KCNQ2: variants seen among roughly 807,000 people sequenced by gnomAD.
KCNQ2 encodes potassium voltage-gated channel subfamily Q member 2.
A neutral mutation model predicts 84.8 loss-of-function variants in KCNQ2; 14 were observed. The observed-to-expected ratio is 0.17, with a 90% CI of 0.11 to 0.26. The LOEUF (loss-of-function observed/expected upper bound fraction) is 0.26. Ranked by LOEUF, KCNQ2 falls within the 10% of genes least tolerant of loss-of-function variation. The pLI is 1.00. For synonymous variants in KCNQ2, 599 were observed against 554.1 expected (o/e 1.08, Z -1.14); for missense variants, 788 against 1,254.0 (o/e 0.63, Z 5.61).
rs147787428 is a variant in KCNQ2 at position 63,453,210 on chromosome 20, G to A, written c.297-6373C>T. The stretch of plus-strand genomic sequence containing the variant: ...CCTCCGCCCGCCGCCACAGGCCCAC[G>A]GCTTCCAGCTCGAAGGCACTGGCCC... On this transcript the variant is annotated intron_variant, in intron 1 of 16. Coordinates refer to ENST00000359125, the MANE Select transcript of KCNQ2 (RefSeq NM_172107.4). Among the ~76,000 whole-genome samples, 1,339 of 152,316 alleles carry A rather than the reference G, an allele frequency of 8.8e-3. 17 individuals carry two copies. The highest frequency in any genetic ancestry group is 0.03 in the African/African-American group (1,243 of 41,566).
chr20:63,409,623 A>G (rs1347277633), intron 15 of KCNQ2, among the ~76,000 whole-genome samples: 1 of 152,242 alleles, frequency 6.6e-6, no homozygotes, highest in Non-Finnish European at 1.5e-5. Flanking sequence ...CCCACCCAGG[A>G]GAGGCCACAA....
At position 63,453,295 on chromosome 20, in the gene KCNQ2, G is replaced by A. The variant is rs1005593377; in HGVS notation, c.297-6458C>T. On this transcript the variant is annotated intron_variant, in intron 1 of 16. Transcript: ENST00000359125. ...CCACGTGTGCGACCCAGAGGCCTCC[G>A]CCAGGACCCCGAAGCTCCCGGCTCC... Among the ~76,000 whole-genome samples the A allele has an allele frequency of 2.6e-5, 4 of 152,358 alleles. No individual in the cohort carries two copies. In the South Asian group the frequency reaches 6.2e-4, roughly 24 times the overall value.
At chr20:63,451,150 A>AAAG (rs1476651571) in intron 1 of KCNQ2, among the ~76,000 whole-genome samples, 28 of 151,724 alleles carry the variant, frequency 1.8e-4, no homozygotes, top group African/African-American at 6.7e-4. Context: ...AAAAAAAAAA[A>AAAG]AAAGAAACAA....
At chr20:63,413,712 A>G (rs1297047158) in intron 14 of KCNQ2, 131 bp from the exon 15 acceptor site, 1 of 901,572 alleles carries the variant, frequency 1.1e-6, no homozygotes, top group East Asian at 2.8e-5. Context: ...TCTGCCGCCC[A>G]CCAGCTCCAC....
rs1447566012 is a variant in KCNQ2 at position 63,468,285 on chromosome 20, C to T, written c.296+3883G>A. Among the ~76,000 whole-genome samples the T allele has an allele frequency of 1.3e-5, 2 of 152,200 alleles. 1 individual carries two copies. The highest frequency in any genetic ancestry group is 3.9e-4 in the East Asian group (2 of 5,178). On this transcript the variant is annotated intron_variant, in intron 1 of 16. Coordinates refer to ENST00000359125, the MANE Select transcript of KCNQ2 (RefSeq NM_172107.4). ...AATGTGGCCGTTCAAGCACTCGAGT[C>T]TCTTTCTCGGCACACAATGCTCCGT...
intron 8 of KCNQ2, 79 bp downstream of exon 8, chr20:63,433,730 A>G: frequency 6.2e-7 from 1 of 1,610,746 alleles, no homozygotes; most frequent in Non-Finnish European, 8.5e-7. Flanking sequence ...AATAATGAAC[A>G]ACAAAAAGTG....
At chr20:63,418,396 C>A in intron 12 of KCNQ2, among the ~76,000 whole-genome samples, 1 of 152,246 alleles carries the variant, frequency 6.6e-6, no homozygotes, top group Non-Finnish European at 1.5e-5. Flanking sequence ...GCGGTGCCCG[C>A]AGGAAACAGG....
chr20:63,445,432 C>T, intron 2 of KCNQ2, 68 bp from the exon 3 acceptor site: 1 of 1,584,274 alleles, frequency 6.3e-7, no homozygotes, highest in Admixed American at 1.7e-5. Flanking sequence ...GCCTGGACAC[C>T]CACAGGAGCA....
At chr20:63,444,927 A>G in intron 3 of KCNQ2, 93 bp from the exon 4 acceptor site, 4 of 1,371,538 alleles carry the variant, frequency 2.9e-6, no homozygotes, top group South Asian at 2.8e-5. Context: ...GAGGATGTGC[A>G]GAGGGGCGGG....
chr20:63,448,883 C>T (rs933656531), intron 1 of KCNQ2, among the ~76,000 whole-genome samples: 23 of 152,160 alleles, frequency 1.5e-4, no homozygotes, highest in African/African-American at 3.4e-4. Flanking sequence ...ATTGGAGCTT[C>T]GGAGCATCAC....
chr20:63,412,430 G>A (rs950083621), intron 15 of KCNQ2, among the ~76,000 whole-genome samples: 4 of 152,228 alleles, frequency 2.6e-5, no homozygotes, highest in African/African-American at 9.6e-5. Context: ...AGCCAGGGTT[G>A]GCCGCTGCTC....
rs143598117 is a variant in KCNQ2 at position 63,427,268 on chromosome 20, A to T, written c.1217+1099T>A. On this transcript the variant is annotated intron_variant, in intron 10 of 16. Coordinates refer to ENST00000359125, the MANE Select transcript of KCNQ2 (RefSeq NM_172107.4). The stretch of plus-strand genomic sequence containing the variant: ...ATAATAAAGTCATCAGAATCATTTA[A>T]ATCAGGTGTGTGTGATTGCAGGTGT... 2.0e-3 allele frequency among the ~76,000 whole-genome samples: 301 copies of T among 152,356 alleles called. 1 individual carries two copies. The highest frequency in any genetic ancestry group is 6.7e-3 in the African/African-American group (278 of 41,586).
In KCNQ2 at chr20:63,438,350, T is replaced by A. The variant is rs2081064255; in HGVS notation, c.1023+275A>T. The A allele has an allele frequency of 1.8e-6, 1 of 556,972 alleles. No homozygotes were observed. Among genetic ancestry groups the A allele is most frequent in the African/African-American group, 1.9e-5 (1 of 52,920 alleles). The allele number at this position is 556,972 out of a possible 1,614,324, so 34.5% of individuals were successfully genotyped here. ...GGTGTGCTCACCTCCCAGGGTGCGGTAGAGAGGACCTGATGGCCGGGCCCC... is the reference window on the plus strand; with the variant it reads ...GGTGTGCTCACCTCCCAGGGTGCGGAAGAGAGGACCTGATGGCCGGGCCCC... On this transcript the variant is annotated intron_variant, in intron 7 of 16. Transcript: ENST00000359125. The surrounding 1 kb of genome is among the most constrained non-coding windows in gnomAD (Gnocchi z 5.1).
At chr20:63,442,978 C>G (rs2081258713) in intron 4 of KCNQ2, among the ~76,000 whole-genome samples, 1 of 44,812 alleles carries the variant, frequency 2.2e-5, no homozygotes, top group Non-Finnish European at 4.5e-5. Flanking sequence ...CCACCACCAT[C>G]ACCACCATTA....
At chr20:63,457,152 T>C (rs919130691) in intron 1 of KCNQ2, among the ~76,000 whole-genome samples, 3 of 152,054 alleles carry the variant, frequency 2.0e-5, no homozygotes, top group Admixed American at 1.3e-4. Context: ...CCAAGCGTGA[T>C]GGATCACTGC....
rs781245469 is a variant in KCNQ2, at chr20:63,415,150, C to CAGACAGAG, written c.1302-25_1302-24insCTCTGTCT. The CAGACAGAG allele has an allele frequency of 3.8e-6, 6 of 1,574,298 alleles. No individual in the cohort carries two copies. The Admixed American group carries it at 1.0e-4, about 27-fold the overall frequency. On this transcript the variant is annotated intron_variant, in intron 12 of 16. Coordinates refer to ENST00000359125, the MANE Select transcript of KCNQ2 (RefSeq NM_172107.4). ...GGCTGCTCCCACGGGAACCGACAGA[C>CAGACAGAG]AGACAGAAAAACAGGGAGAGAAGTC... is the stretch of plus-strand genomic sequence containing the variant.
rs1394738986 is a variant in KCNQ2 at position 63,428,428 on chromosome 20, G to A, written c.1156C>T (p.Pro386Ser). ...TQTYGASRLI[P>S]PLNQLELLRN... is the part of the protein sequence containing the mutation. ...AGCAGCTCCAGCTGGTTCAGCGGGG[G>A]GATAAGTCTGGGGCAAGAGAAGGAG... The change falls in exon 10 of 17, where the codon CCC (proline) becomes TCC (serine). Residue 386 changes from proline (P) to serine (S), a missense_variant. Around this residue, in one of 8 missense-constraint regions of KCNQ2, gnomAD observed 202 missense variants for 239.4 expected, o/e 0.84. Transcript: ENST00000359125. The A allele has an allele frequency of 6.3e-7, 1 of 1,588,900 alleles. No homozygotes were observed. The highest frequency in any genetic ancestry group is 8.6e-7 in the Non-Finnish European group (1 of 1,168,068).
At chr20:63,462,782 G>C (rs2081988366) in intron 1 of KCNQ2, among the ~76,000 whole-genome samples, 1 of 152,212 alleles carries the variant, frequency 6.6e-6, no homozygotes, top group South Asian at 2.1e-4. Flanking sequence ...ACCGGTCAGA[G>C]AAGTCGTGAG....
intron 12 of KCNQ2, among the ~76,000 whole-genome samples, chr20:63,415,755 ACCGGGG>A: frequency 6.6e-6 from 1 of 151,916 alleles, no homozygotes; most frequent in East Asian, 1.9e-4. Flanking sequence ...CATCCCAAAC[ACCGGGG>A]CTGTGGCTCT....
Sources: allele counts gnomAD v4.1 joint callset (sites outside exome capture counted in the v4.1 genomes callset), GRCh38; gene constraint gnomAD v4.1.1; regional missense constraint gnomAD v4.1.1; non-coding constraint Gnocchi (gnomAD v3.1); transcripts MANE v1.5; gene names NCBI Gene and HGNC (gene_info 2026-07-23, HGNC 2026-07-21).